Variants in MS4A5 observed in about 807,000 individuals in gnomAD.
MS4A5 encodes membrane-spanning 4-domains subfamily A member 5.
A neutral mutation model predicts 18.2 loss-of-function variants in MS4A5; 15 were observed. That is an observed-to-expected ratio of 0.83 (90% CI 0.55 to 1.27). MS4A5 has a LOEUF of 1.27. MS4A5 is among the 50% of genes most tolerant of loss of function. MS4A5 has a pLI of 0.00. For synonymous variants in MS4A5, 89 were observed against 78.7 expected (o/e 1.13, Z -0.69); for missense variants, 232 against 225.7 (o/e 1.03, Z -0.18).
intron 4 of MS4A5, among the ~76,000 whole-genome samples, chr11:60,442,856 A>C (rs2086121315): frequency 6.6e-6 from 1 of 152,126 alleles, no homozygotes; most frequent in East Asian, 1.9e-4. Flanking sequence ...ATGAAAGTGA[A>C]ATAGCCAGGC....
chr11:60,441,788 G>C (rs987165690), intron 4 of MS4A5, among the ~76,000 whole-genome samples: 25 of 152,018 alleles, frequency 1.6e-4, no homozygotes, highest in African/African-American at 5.5e-4. Flanking sequence ...GTAAATAAGA[G>C]TTTAAAAAAC....
rs549057521 is a variant in MS4A5 at position 60,447,186 on chromosome 11, T to C, written c.493-463T>C. 2.6e-5 allele frequency among the ~76,000 whole-genome samples: 4 copies of C among 151,952 alleles called. No individual in the cohort carries two copies. The East Asian group carries it at 7.7e-4, about 29-fold the overall frequency. On this transcript the variant is annotated intron_variant, in intron 4 of 4. Transcript: ENST00000300190. ...TATCCTATGTTATGCTATGCTATGC[T>C]ATCCTATGCTATGCTATCCTATGCT...
chr11:60,431,044 A>G, intron 2 of MS4A5, 120 bp downstream of exon 2: 1 of 1,068,594 alleles, frequency 9.4e-7, no homozygotes, highest in Non-Finnish European at 1.3e-6. Flanking sequence ...CAAAAAACTA[A>G]CCTTGTTGAA....
chr11:60,437,083 A>G (rs1212932441), intron 4 of MS4A5, among the ~76,000 whole-genome samples: 3 of 138,010 alleles, frequency 2.2e-5, no homozygotes, highest in Non-Finnish European at 4.8e-5. Flanking sequence ...CTCGGCAGAA[A>G]CCCTACAAGC....
chr11:60,438,058 A>G (rs1198173253), intron 4 of MS4A5, among the ~76,000 whole-genome samples: 1 of 152,170 alleles, frequency 6.6e-6, no homozygotes, highest in Non-Finnish European at 1.5e-5. Flanking sequence ...AAGAACAGAA[A>G]TTATAACAAA....
At chr11:60,439,034 T>C (rs1374872763) in intron 4 of MS4A5, among the ~76,000 whole-genome samples, 1 of 73,820 alleles carries the variant, frequency 1.4e-5, no homozygotes, top group Non-Finnish European at 2.6e-5. Context: ...AATAAAATAC[T>C]GGCAAACTGA....
rs376566794 is a variant in MS4A5 at position 60,430,932 on chromosome 11, T to C, written c.282+8T>C. Reference sequence around the variant, plus strand: ...TTCTGGGGCTCTGTTTTGGTGAGTATAGTCAATCAAGTTCAATTTGAAGCC... The same window carrying C: ...TTCTGGGGCTCTGTTTTGGTGAGTACAGTCAATCAAGTTCAATTTGAAGCC... On this transcript the variant is annotated splice_region_variant and intron_variant, in intron 2 of 4. Transcript: ENST00000300190. 5.0e-6 allele frequency: 8 copies of C among 1,603,964 alleles called. No homozygotes were observed. Among genetic ancestry groups the C allele is most frequent in the East Asian group, 2.2e-5 (1 of 44,788 alleles).
chr11:60,446,655 C>T (rs2086139702), intron 4 of MS4A5, among the ~76,000 whole-genome samples: 1 of 151,872 alleles, frequency 6.6e-6, no homozygotes, highest in African/African-American at 2.4e-5. Context: ...ATCGCTTGAA[C>T]CTGGGAGTTG....
Position 60,430,909 on chromosome 11 carries a change from C to T in MS4A5, c.267C>T (p.Phe89=). The change falls in exon 2 of 5, where the codon TTC becomes TTT. Residue 89 remains phenylalanine, a synonymous_variant. Transcript: ENST00000300190. ...TTATATTTCTTTCAGGATATCCATT[C>T]TGGGGCTCTGTTTTGGTGAGTATAG... ...FPFIFLSGYP[F]WGSVLFINSG... is the part of the protein sequence containing the mutation. The T allele has an allele frequency of 6.2e-7, 1 of 1,612,476 alleles. No homozygotes were observed.
chr11:60,443,671 A>G (rs2086125398), intron 4 of MS4A5, among the ~76,000 whole-genome samples: 1 of 152,092 alleles, frequency 6.6e-6, no homozygotes, highest in African/African-American at 2.4e-5. Context: ...CAAACCATGG[A>G]TAAGATAAAA....
Position 60,436,690 on chromosome 11 carries a change from A to G in MS4A5, c.492+2773A>G, listed in dbSNP as rs1298899472. Reference sequence around the variant, plus strand: ...GGTATCAGCGATGGAAGATGAAATGAATGAAATGAAGCGAGAAGGGAAGTT... The same window carrying G: ...GGTATCAGCGATGGAAGATGAAATGGATGAAATGAAGCGAGAAGGGAAGTT... On this transcript the variant is annotated intron_variant, in intron 4 of 4. Coordinates refer to ENST00000300190, the MANE Select transcript of MS4A5 (RefSeq NM_023945.3). Among the ~76,000 whole-genome samples the G allele has an allele frequency of 1.5e-5, 2 of 134,574 alleles. 1 individual carries two copies. The highest frequency in any genetic ancestry group is 3.3e-5 in the Non-Finnish European group (2 of 60,050). 88.3% of individuals were successfully genotyped at this position (134,574 alleles called of 152,430 possible). A position where few individuals can be genotyped will look rare whatever the true frequency, so the allele number is the denominator to read the frequency against.
In MS4A5 at chr11:60,430,935, T is replaced by A; in HGVS notation, c.282+11T>A. ...TGGGGCTCTGTTTTGGTGAGTATAGTCAATCAAGTTCAATTTGAAGCCATG... is the reference window on the plus strand; with the variant it reads ...TGGGGCTCTGTTTTGGTGAGTATAGACAATCAAGTTCAATTTGAAGCCATG... On this transcript the variant is annotated intron_variant, in intron 2 of 4. Coordinates refer to ENST00000300190, the MANE Select transcript of MS4A5 (RefSeq NM_023945.3). The A allele has an allele frequency of 6.2e-7, 1 of 1,600,824 alleles. No homozygotes were observed. Among genetic ancestry groups the A allele is most frequent in the Non-Finnish European group, 8.5e-7 (1 of 1,177,020 alleles).
rs878897158 is a variant in MS4A5, at chr11:60,431,033, G to A, written c.282+109G>A. On this transcript the variant is annotated intron_variant, in intron 2 of 4. Coordinates refer to ENST00000300190, the MANE Select transcript of MS4A5 (RefSeq NM_023945.3). Reference sequence around the variant, plus strand: ...AGTTGTATGACATGCTTTCAAAAGTGCAAAAAACTAACCTTGTTGAAATTA... The same window carrying A: ...AGTTGTATGACATGCTTTCAAAAGTACAAAAAACTAACCTTGTTGAAATTA... 23 of 1,204,736 alleles carry A rather than the reference G, an allele frequency of 1.9e-5. No individual in the cohort carries two copies. In the South Asian group the frequency reaches 3.4e-4, roughly 18 times the overall value. The allele number at this position is 1,204,736 out of a possible 1,614,324, so 74.6% of individuals were successfully genotyped here.
rs544566746 is a variant in MS4A5, at chr11:60,436,607, G to A, written c.492+2690G>A. On this transcript the variant is annotated intron_variant, in intron 4 of 4. Transcript: ENST00000300190. ...CTGATGGAGCTGAAAACCAAGGCTC[G>A]AGAACTACGTGAAGAACGCAGAAGC... Among the ~76,000 whole-genome samples, 378 of 134,456 alleles carry A rather than the reference G, an allele frequency of 2.8e-3. 32 individuals carry two copies. Among genetic ancestry groups the A allele is most frequent in the Admixed American group, 5.1e-3 (62 of 12,252 alleles). The allele number at this position is 134,456 out of a possible 152,430, so 88.2% of individuals were successfully genotyped here.
intron 4 of MS4A5, among the ~76,000 whole-genome samples, chr11:60,439,846 C>T: frequency 2.0e-5 from 1 of 50,038 alleles, no homozygotes; most frequent in Non-Finnish European, 4.0e-5. Context: ...AATGGCCATA[C>T]TGCCCAAGGT....
At chr11:60,444,941 T>G (rs1053903900) in intron 4 of MS4A5, among the ~76,000 whole-genome samples, 2 of 152,238 alleles carry the variant, frequency 1.3e-5, no homozygotes, top group Non-Finnish European at 2.9e-5. Context: ...CTATTCATTA[T>G]AGTTAAACTG....
rs200264025 is a variant in MS4A5 at position 60,432,363 on chromosome 11, A to G, written c.283-48A>G. On this transcript the variant is annotated intron_variant, in intron 2 of 4. Transcript: ENST00000300190. Reference sequence around the variant, plus strand: ...TAGAGGTCTATTCTGTAAGAACTCAACATCAGCTAAACATGGTCATCATTA... The same window carrying G: ...TAGAGGTCTATTCTGTAAGAACTCAGCATCAGCTAAACATGGTCATCATTA... 123 of 1,282,942 alleles carry G rather than the reference A, an allele frequency of 9.6e-5. No homozygotes were observed. The East Asian group carries it at 2.7e-3, about 28-fold the overall frequency. The allele number at this position is 1,282,942 out of a possible 1,614,324, so 79.5% of individuals were successfully genotyped here.
chr11:60,443,551 C>T (rs926679839), intron 4 of MS4A5, among the ~76,000 whole-genome samples: 1 of 151,092 alleles, frequency 6.6e-6, no homozygotes, highest in Non-Finnish European at 1.5e-5. Context: ...AATATTCATA[C>T]CAAGAAATTA....
intron 2 of MS4A5, among the ~76,000 whole-genome samples, chr11:60,431,744 T>A (rs2086049518): frequency 6.6e-6 from 1 of 152,192 alleles, no homozygotes; most frequent in Non-Finnish European, 1.5e-5. Flanking sequence ...ATTAGGGATG[T>A]CTTGTTGCAT....
Sources: allele counts gnomAD v4.1 joint callset (sites outside exome capture counted in the v4.1 genomes callset), GRCh38; gene constraint gnomAD v4.1.1; transcripts MANE v1.5; gene names NCBI Gene and HGNC (gene_info 2026-07-23, HGNC 2026-07-21).